CHRM3: variants seen among roughly 807,000 people sequenced by gnomAD.
CHRM3 encodes muscarinic acetylcholine receptor M3.
CHRM3 carries 11 observed loss-of-function variants against 41.8 expected under a neutral mutation model. That is an observed-to-expected ratio of 0.26 (90% confidence interval 0.17 to 0.44). CHRM3 has a LOEUF of 0.44. CHRM3 is among the 20% of genes least tolerant of loss of function. The pLI, the probability that CHRM3 is intolerant of heterozygous loss-of-function variation, is 1.00. For synonymous variants in CHRM3, 297 were observed against 301.4 expected, an observed-to-expected ratio of 0.99 and a Z score of 0.15; for missense variants, 571 against 745.4, an observed-to-expected ratio of 0.77 and a Z score of 2.72.
chr1:239,818,860 A>G (rs1038638997), intron 5 of CHRM3, among the ~76,000 whole-genome samples: 4 of 152,190 alleles, frequency 2.6e-5, no homozygotes, highest in African/African-American at 9.7e-5. Context: ...GGTTAAAGCT[A>G]AGTGGACTTC....
chr1:239,734,606 T>G (rs1664249595), intron 5 of CHRM3, among the ~76,000 whole-genome samples: 1 of 152,132 alleles, frequency 6.6e-6, no homozygotes, highest in South Asian at 2.1e-4. Flanking sequence ...TTATCCTTTT[T>G]GAAGAAGTCC....
chr1:239,785,963 A>G (rs955663445), intron 5 of CHRM3, among the ~76,000 whole-genome samples: 1 of 152,200 alleles, frequency 6.6e-6, no homozygotes, highest in Non-Finnish European at 1.5e-5. Flanking sequence ...TGTAGTACAT[A>G]TGGGTATAAC....
At chr1:239,891,609 T>C (rs181273064) in intron 6 of CHRM3, among the ~76,000 whole-genome samples, 1 of 152,190 alleles carries the variant, frequency 6.6e-6, no homozygotes, top group Admixed American at 6.5e-5. Flanking sequence ...TATTTAGGAA[T>C]GGAGAAATGT....
chr1:239,569,796 A>T (rs1382315114), intron 3 of CHRM3, among the ~76,000 whole-genome samples: 3 of 152,010 alleles, frequency 2.0e-5, no homozygotes, highest in African/African-American at 4.8e-5. Flanking sequence ...GCAGTGGGGG[A>T]GTCTGGTCAT....
intron 1 of CHRM3, among the ~76,000 whole-genome samples, chr1:239,480,501 T>C (rs1420038167): frequency 6.6e-6 from 1 of 151,628 alleles, no homozygotes; most frequent in East Asian, 1.9e-4. Context: ...ATGCGAAATG[T>C]AACTTTATTC....
In CHRM3 at chr1:239,498,505, G is replaced by A. The variant is rs149649675; in HGVS notation, c.-422+5698G>A. Among the ~76,000 whole-genome samples the A allele has an allele frequency of 8.7e-4, 132 of 152,210 alleles. 2 individuals are homozygous for A. The highest frequency in any genetic ancestry group is 2.5e-3 in the African/African-American group (104 of 41,540). ...CTTTTCGTGTGTGTGTAATCTAAGCGTTCTCAAGGGCAGTTGGATCTACAG... is the reference window on the plus strand; with the variant it reads ...CTTTTCGTGTGTGTGTAATCTAAGCATTCTCAAGGGCAGTTGGATCTACAG... On this transcript the variant is annotated intron_variant, in intron 2 of 6. Transcript: ENST00000676153.
rs181562422 is a variant in CHRM3 at position 239,817,447 on chromosome 1, C to T, written c.-146-9805C>T. On this transcript the variant is annotated intron_variant, in intron 5 of 6. Transcript: ENST00000676153. ...TTCCCTAATTGTGTCACCCCCAGAA[C>T]TGCCCAAATCTTTAAGACAGAATCC... 3.3e-5 allele frequency among the ~76,000 whole-genome samples: 5 copies of T among 152,234 alleles called. No homozygotes were observed. In the East Asian group the frequency reaches 9.7e-4, roughly 29 times the overall value.
At chr1:239,751,607 G>A (rs1665836382) in intron 5 of CHRM3, among the ~76,000 whole-genome samples, 1 of 152,032 alleles carries the variant, frequency 6.6e-6, no homozygotes, top group South Asian at 2.1e-4. Context: ...GGACCTCTAG[G>A]CTAACTGCTA....
At chr1:239,699,426 C>T (rs1288182654) in intron 5 of CHRM3, among the ~76,000 whole-genome samples, 3 of 152,016 alleles carry the variant, frequency 2.0e-5, no homozygotes, top group Non-Finnish European at 4.4e-5. Context: ...CACACTTGCA[C>T]AAAGAAGAGG....
Position 239,820,554 on chromosome 1 carries a change from C to A in CHRM3, c.-146-6698C>A, listed in dbSNP as rs1162351232. ...AAATACGGGAAGTTCAGAGAACAATCTCATCCTATGCTTCGGGAGAGATGT... is the reference window on the plus strand; with the variant it reads ...AAATACGGGAAGTTCAGAGAACAATATCATCCTATGCTTCGGGAGAGATGT... On this transcript the variant is annotated intron_variant, in intron 5 of 6. Transcript: ENST00000676153. Among the ~76,000 whole-genome samples, 3 of 152,178 alleles carry A rather than the reference C, an allele frequency of 2.0e-5. No homozygotes were observed. The South Asian group carries it at 6.2e-4, about 32-fold the overall frequency.
At chr1:239,797,050 G>A (rs949688407) in intron 5 of CHRM3, among the ~76,000 whole-genome samples, 6 of 152,208 alleles carry the variant, frequency 3.9e-5, no homozygotes, top group Non-Finnish European at 8.8e-5. Flanking sequence ...GTGCTTTGCA[G>A]CAACATGGAT....
intron 1 of CHRM3, among the ~76,000 whole-genome samples, chr1:239,464,562 G>A (rs1365225171): frequency 6.6e-6 from 1 of 152,110 alleles, no homozygotes; most frequent in Non-Finnish European, 1.5e-5. Context: ...TTGAAGTTTG[G>A]TGTTTACTTC....
At chr1:239,893,342 G>A (rs1369322191) in intron 6 of CHRM3, among the ~76,000 whole-genome samples, 1 of 152,166 alleles carries the variant, frequency 6.6e-6, no homozygotes, top group Non-Finnish European at 1.5e-5. Flanking sequence ...AGAGGACTGA[G>A]TTTCTGCTTT....
chr1:239,519,738 G>GTT (rs1553317084), intron 2 of CHRM3, among the ~76,000 whole-genome samples: 3 of 98,974 alleles, frequency 3.0e-5, no homozygotes, highest in African/African-American at 1.1e-4. Context: ...TTAAAAACTA[G>GTT]TTCTTTTTTT....
intron 1 of CHRM3, among the ~76,000 whole-genome samples, chr1:239,407,417 T>TATATATATATATATATATATAGAG: frequency 3.7e-5 from 5 of 134,122 alleles, no homozygotes; most frequent in Non-Finnish European, 8.5e-5. Context: ...TATATATATA[T>TATATATATATATATATATATAGAG]AGAGAGAGAG....
intron 5 of CHRM3, among the ~76,000 whole-genome samples, chr1:239,809,647 G>A (rs948363997): frequency 1.4e-4 from 21 of 151,984 alleles, no homozygotes; most frequent in Admixed American, 9.2e-4. Context: ...ACAGGTGCAC[G>A]TCACACCACC....
At chr1:239,680,901 G>A (rs911214989) in intron 5 of CHRM3, among the ~76,000 whole-genome samples, 4 of 151,748 alleles carry the variant, frequency 2.6e-5, no homozygotes, top group East Asian at 1.9e-4. Context: ...TGATTAAGAC[G>A]TATCCAAGAC....
At chr1:239,878,760 G>A (rs1314132501) in intron 6 of CHRM3, among the ~76,000 whole-genome samples, 1 of 152,108 alleles carries the variant, frequency 6.6e-6, no homozygotes, top group Admixed American at 6.5e-5. Context: ...ATGATTACAG[G>A]TGTTAAGGGA....
At chr1:239,875,955 T>C (rs1024376838) in intron 6 of CHRM3, among the ~76,000 whole-genome samples, 1 of 152,206 alleles carries the variant, frequency 6.6e-6, no homozygotes, top group Non-Finnish European at 1.5e-5. Flanking sequence ...TGAAATGTTG[T>C]AGGAGAAGGA....
Sources: gnomAD v4.1 joint callset for allele counts (sites outside exome capture counted in the v4.1 genomes callset) on GRCh38, gnomAD v4.1.1 for gene constraint, MANE v1.5 for transcripts, NCBI Gene and HGNC (gene_info 2026-07-23, HGNC 2026-07-21) for gene names.